The following NKAIN2 variants were observed in gnomAD, a reference collection of about 807,000 sequenced individuals.
NKAIN2 encodes the protein sodium/potassium-transporting ATPase subunit beta-1-interacting protein 2.
A neutral mutation model predicts 32.6 loss-of-function variants in NKAIN2; 14 were observed. That is an observed-to-expected ratio of 0.43 (90% CI 0.28 to 0.67). The LOEUF is 0.67. NKAIN2 is among the 30% of genes least tolerant of loss of function. The probability of loss-of-function intolerance (pLI) is 0.17; values close to 1 mark genes in which losing one functional copy is unlikely to be tolerated. For synonymous variants in NKAIN2, 80 were observed against 87.2 expected, an observed-to-expected ratio of 0.92 and a Z score of 0.46; for missense variants, 198 against 258.3, an observed-to-expected ratio of 0.77 and a Z score of 1.60.
intron 1 of NKAIN2, chr6:124,121,780 T>C (rs1785893662): frequency 4.2e-6 from 1 of 239,216 alleles, no homozygotes. Flanking sequence ...CTCTAAATTA[T>C]GCGGGTCAAG....
intron 2 of NKAIN2, among the ~76,000 whole-genome samples, chr6:124,305,244 G>A (rs1796462061): frequency 6.6e-6 from 1 of 152,126 alleles, no homozygotes; most frequent in Admixed American, 6.6e-5. Context: ...AAGATTTCTG[G>A]TATTACAGTG....
intron 3 of NKAIN2, among the ~76,000 whole-genome samples, chr6:124,630,016 C>T (rs1783502031): frequency 6.6e-6 from 1 of 152,142 alleles, no homozygotes. Context: ...CACTAAGTTA[C>T]AGGCAGGAAT....
intron 1 of NKAIN2, among the ~76,000 whole-genome samples, chr6:124,250,311 C>T (rs1793637277): frequency 6.6e-6 from 1 of 152,024 alleles, no homozygotes; most frequent in Non-Finnish European, 1.5e-5. Context: ...CTGAATTTAA[C>T]AGAATTTTTG....
chr6:124,192,976 C>A (rs552771518), intron 1 of NKAIN2, among the ~76,000 whole-genome samples: 8 of 152,072 alleles, frequency 5.3e-5, no homozygotes, highest in Non-Finnish European at 8.8e-5. Context: ...GTCTCGACCT[C>A]CTGACCTCGT....
In NKAIN2 at chr6:124,331,345, C is replaced by CAAAAAAAAAAAAAAAAAAAAAAAA. The variant is rs1162529828; in HGVS notation, c.193-23911_193-23888dup. ...TGAAACCCTGTCTCTACTAAATATA[C>CAAAAAAAAAAAAAAAAAAAAAAAA]AAAAAAAAAAAAAAAAAAAAAAAAA... On this transcript the variant is annotated intron_variant, in intron 2 of 6. Transcript: ENST00000368417. Among the ~76,000 whole-genome samples the CAAAAAAAAAAAAAAAAAAAAAAAA allele has an allele frequency of 2.4e-4, 5 of 20,816 alleles. 1 individual carries two copies. The highest frequency in any genetic ancestry group is 5.3e-4 in the African/African-American group (3 of 5,680). 13.7% of individuals were successfully genotyped at this position (20,816 alleles called of 152,430 possible). A position where few individuals can be genotyped will look rare whatever the true frequency, so the allele number is the denominator to read the frequency against.
intron 3 of NKAIN2, among the ~76,000 whole-genome samples, chr6:124,650,970 A>G (rs751765528): frequency 6.6e-6 from 1 of 152,192 alleles, no homozygotes; most frequent in Non-Finnish European, 1.5e-5. Context: ...AGCCTATGAA[A>G]TCAAAACAAG....
intron 1 of NKAIN2, among the ~76,000 whole-genome samples, chr6:124,232,933 C>A (rs989531831): frequency 2.0e-5 from 3 of 152,086 alleles, no homozygotes; most frequent in Admixed American, 2.0e-4. Context: ...TCGGTAAAAA[C>A]AAGGTAATTG....
intron 1 of NKAIN2, among the ~76,000 whole-genome samples, chr6:123,977,070 TCA>T (rs1778678874): frequency 1.3e-5 from 2 of 152,190 alleles, no homozygotes; most frequent in Non-Finnish European, 1.5e-5. Flanking sequence ...CCTTTTGGGC[TCA>T]GGTGATCCTC....
At chr6:124,313,155 A>G (rs1400379433) in intron 2 of NKAIN2, among the ~76,000 whole-genome samples, 1 of 152,160 alleles carries the variant, frequency 6.6e-6, no homozygotes, top group Non-Finnish European at 1.5e-5. Flanking sequence ...TCTTTAGTAA[A>G]CAGAAAAATT....
chr6:123,849,354 C>G (rs747304507), intron 1 of NKAIN2, among the ~76,000 whole-genome samples: 2 of 152,120 alleles, frequency 1.3e-5, no homozygotes, highest in Non-Finnish European at 2.9e-5. Flanking sequence ...GGGAAGTAGA[C>G]ATGGAATGGC....
intron 3 of NKAIN2, among the ~76,000 whole-genome samples, chr6:124,493,712 C>CA (rs376284499): frequency 0.058 from 7,513 of 129,566 alleles, 662 homozygotes; most frequent in African/African-American, 0.19. Context: ...ACCAACCCCC[C>CA]CCTCCAAAAA....
intron 1 of NKAIN2, among the ~76,000 whole-genome samples, chr6:124,225,030 G>A (rs1286742149): frequency 6.6e-6 from 1 of 152,002 alleles, no homozygotes; most frequent in Non-Finnish European, 1.5e-5. Flanking sequence ...TACATATCCT[G>A]TAGCTGCAGG....
At chr6:124,323,355 T>G (rs561045776) in intron 2 of NKAIN2, among the ~76,000 whole-genome samples, 4 of 152,200 alleles carry the variant, frequency 2.6e-5, no homozygotes, top group African/African-American at 9.6e-5. Context: ...AACTACTCAT[T>G]CTCAAACATT....
intron 1 of NKAIN2, among the ~76,000 whole-genome samples, chr6:123,815,662 T>A (rs1773662836): frequency 6.6e-6 from 1 of 152,056 alleles, no homozygotes; most frequent in Admixed American, 6.6e-5. Context: ...AATTCTTAAT[T>A]TTTTTTGTCT....
intron 3 of NKAIN2, among the ~76,000 whole-genome samples, chr6:124,576,257 C>A (rs545220049): frequency 3.3e-5 from 5 of 152,164 alleles, no homozygotes; most frequent in African/African-American, 1.2e-4. Context: ...GCAAACTGAA[C>A]TAGTAACTTT....
intron 1 of NKAIN2, among the ~76,000 whole-genome samples, chr6:124,068,083 C>A (rs1042253880): frequency 1.3e-5 from 2 of 152,122 alleles, no homozygotes; most frequent in East Asian, 3.8e-4. Context: ...GTTTTAATAA[C>A]TTAAGTTTAT....
rs1773357897 is a variant in NKAIN2, at chr6:124,676,428, TCTC to T, written c.474+18045_474+18047del. 3.9e-5 allele frequency among the ~76,000 whole-genome samples: 6 copies of T among 152,260 alleles called. No individual in the cohort carries two copies. In the South Asian group the frequency reaches 1.2e-3, roughly 32 times the overall value. On this transcript the variant is annotated intron_variant, in intron 4 of 6. Coordinates refer to ENST00000368417, the MANE Select transcript of NKAIN2 (RefSeq NM_001040214.3). ...CATTATTGAATGTGGGGTATTGAAATCTCCTACTATCATTTAATTGCTGTTTAT... is the reference window on the plus strand; with the variant it reads ...CATTATTGAATGTGGGGTATTGAAATCTACTATCATTTAATTGCTGTTTAT...
At chr6:124,225,507 G>A (rs1029034624) in intron 1 of NKAIN2, among the ~76,000 whole-genome samples, 1 of 151,638 alleles carries the variant, frequency 6.6e-6, no homozygotes, top group Admixed American at 6.6e-5. Context: ...TTCAGAATTG[G>A]TAACTCCAGT....
intron 3 of NKAIN2, among the ~76,000 whole-genome samples, chr6:124,433,168 ACTGAAATTAGGCG>A (rs1188568566): frequency 3.3e-5 from 5 of 152,196 alleles, no homozygotes; most frequent in Non-Finnish European, 7.3e-5. Flanking sequence ...AGACACAGGC[ACTGAAATTAGGCG>A]GTGGAAGCAC....
Sources: gnomAD v4.1 joint callset for allele counts (sites outside exome capture counted in the v4.1 genomes callset) on GRCh38, gnomAD v4.1.1 for gene constraint, MANE v1.5 for transcripts, NCBI Gene and HGNC (gene_info 2026-07-23, HGNC 2026-07-21) for gene names.